WDR81: variants seen among roughly 807,000 people sequenced by gnomAD.
WDR81 encodes the protein WD repeat domain 81.
WDR81 carries 92 observed loss-of-function variants against 140.8 expected under a neutral mutation model. The ratio of observed to expected loss-of-function variants is 0.65; its 90% CI spans 0.55 to 0.78. The LOEUF (loss-of-function observed/expected upper bound fraction) is 0.78. Among genes scored for constraint, WDR81 ranks in the 30% least tolerant of loss-of-function variants. WDR81 has a pLI of 0.00. For missense variants in WDR81, 2,502 were observed against 2,636.4 expected (o/e 0.95, Z 1.12); for synonymous variants, 1,183 against 1,156.4 (o/e 1.02, Z -0.47).
rs754233386 is a variant in WDR81 at position 1,731,145 on chromosome 17, G to T, written c.4044G>T (p.Leu1348=). ...CGGGGCTGCTGGCCGCGGTGACGCTGACTCAGAAGATCATCGTGTACCTCT... is the reference window on the plus strand; with the variant it reads ...CGGGGCTGCTGGCCGCGGTGACGCTTACTCAGAAGATCATCGTGTACCTCT... ...KEAGLLAAVT[L]TQKIIVYLSD... Residue 1348 remains leucine, a synonymous_variant, in exon 4 of 10, where the codon CTG becomes CTT. Transcript: ENST00000409644. 1 of 1,613,390 alleles carries T rather than the reference G, an allele frequency of 6.2e-7. No homozygotes were observed. The highest frequency in any genetic ancestry group is 1.7e-5 in the Admixed American group (1 of 60,022).
intron 1 of WDR81, among the ~76,000 whole-genome samples, chr17:1,717,420 C>T (rs1055060827): frequency 6.6e-6 from 1 of 152,184 alleles, no homozygotes; most frequent in African/African-American, 2.4e-5. Context: ...CAAATAGGGG[C>T]TGAGGGTAAC....
Position 1,726,088 on chromosome 17 carries a change from C to T in WDR81, c.1129C>T (p.Pro377Ser). 4 of 1,547,830 alleles carry T rather than the reference C, an allele frequency of 2.6e-6. No homozygotes were observed. Among genetic ancestry groups the T allele is most frequent in the Non-Finnish European group, 2.6e-6 (3 of 1,145,166 alleles). The change falls in exon 1 of 10, where the codon CCC (proline) becomes TCC (serine). Residue 377 changes from proline to serine, a missense_variant. Pro to Ser is a moderately conservative substitution (Grantham distance 74, BLOSUM62 -1). This residue lies in a region of WDR81 where 547 missense variants were observed against 513.8 expected (regional missense o/e 1.06). Transcript: ENST00000409644. The part of the protein sequence containing the change: ...NRLAGRRQGD[P>S]NYHPVLPWVV... ...GTTGGCAGGTCGGCGGCAGGGGGAC[C>T]CCAACTACCACCCCGTGCTGCCCTG... is the stretch of plus-strand genomic sequence containing the variant.
chr17:1,735,804 G>A lies in WDR81; in HGVS notation c.5325+87G>A. 2 of 1,508,914 alleles carry A rather than the reference G, an allele frequency of 1.3e-6. No individual in the cohort carries two copies. The highest frequency in any genetic ancestry group is 2.3e-5 in the East Asian group (1 of 43,370). The allele number at this position is 1,508,914 out of a possible 1,614,324, so 93.5% of individuals were successfully genotyped here. A position where few individuals can be genotyped will look rare whatever the true frequency, so the allele number is the denominator to read the frequency against. On this transcript the variant is annotated intron_variant, in intron 8 of 9. Coordinates refer to ENST00000409644, the MANE Select transcript of WDR81 (RefSeq NM_001163809.2). The surrounding 1 kb of genome is among the most constrained non-coding windows in gnomAD (Gnocchi z 4.2). ...AGACTCCCCAAAAACAGAAAGCCAG[G>A]ATGTTGTTCTGGGGCCCTAGTTAGT... is the stretch of plus-strand genomic sequence containing the variant.
In WDR81 at chr17:1,727,944, G is replaced by A. The variant is rs981484743; in HGVS notation, c.2985G>A (p.Leu995=). 2 of 1,550,272 alleles carry A rather than the reference G, an allele frequency of 1.3e-6. No homozygotes were observed. The highest frequency in any genetic ancestry group is 2.7e-5 in the African/African-American group (2 of 73,064). The change falls in exon 1 of 10, where the codon CTG becomes CTA. Residue 995 remains leucine (L), a synonymous_variant. Transcript: ENST00000409644. ...TTGTGGCCCAGCTGATGGTGCGGCT[G>A]GGCCTGCAGGCATTTCTCACTCACC... ...DCFVAQLMVR[L]GLQAFLTHLL...
intron 1 of WDR81, chr17:1,716,817 C>T: frequency 1.5e-6 from 1 of 684,898 alleles, no homozygotes; most frequent in East Asian, 2.7e-5. Flanking sequence ...CAGGAGTGGG[C>T]AGAGCGTCAG....
Position 1,727,130 on chromosome 17 carries a change from G to A in WDR81, c.2171G>A (p.Gly724Asp). The A allele has an allele frequency of 6.5e-7, 1 of 1,547,174 alleles. No individual in the cohort carries two copies. The highest frequency in any genetic ancestry group is 8.7e-7 in the Non-Finnish European group (1 of 1,144,726). Residue 724 changes from glycine (G) to aspartate (D), a missense_variant, in exon 1 of 10, where the codon GGC (glycine) becomes GAC (aspartate). Gly to Asp is a moderately conservative substitution (Grantham distance 94). Coordinates refer to ENST00000409644, the MANE Select transcript of WDR81 (RefSeq NM_001163809.2). Reference protein sequence around the residue: ...GEEGRILLPEGFNPMQALEEL... With the variant: ...GEEGRILLPEDFNPMQALEEL... ...GAGGGGAGGATTCTTCTTCCCGAGG[G>A]CTTCAATCCCATGCAGGCCCTGGAG...
chr17:1,718,810 G>A (rs534266847), intron 1 of WDR81, among the ~76,000 whole-genome samples: 5 of 152,252 alleles, frequency 3.3e-5, no homozygotes, highest in South Asian at 2.1e-4. Flanking sequence ...TCCCACTCAC[G>A]GCCCTTGGGG....
Position 1,726,725 on chromosome 17 carries a change from C to A in WDR81, c.1766C>A (p.Pro589His). The A allele has an allele frequency of 1.3e-6, 2 of 1,548,438 alleles. No homozygotes were observed. The highest frequency in any genetic ancestry group is 1.7e-6 in the Non-Finnish European group (2 of 1,146,594). Reference sequence around the variant, plus strand: ...GTGCAGCTCTTCGATCAGCCACACCCCCAGCGCCTGGCTGGGGCTCCTGCC... The same window carrying A: ...GTGCAGCTCTTCGATCAGCCACACCACCAGCGCCTGGCTGGGGCTCCTGCC... ...GVVQLFDQPH[P>H]QRLAGAPALA... is the part of the protein sequence containing the mutation. The change falls in exon 1 of 10, where the codon CCC becomes CAC. Residue 589 changes from proline to histidine, a missense_variant. Coordinates refer to ENST00000409644, the MANE Select transcript of WDR81 (RefSeq NM_001163809.2).
chr17:1,730,757 C>A lies in WDR81; in HGVS notation c.3778C>A (p.Pro1260Thr). Reference protein sequence around the residue: ...LRLLTSCYVGPTRQQFTVSSG... With the variant: ...LRLLTSCYVGTTRQQFTVSSG... ...GGCTGCTGGCCCTTCCGTGGCAGGA[C>A]CCACTCGGCAGCAGTTCACAGTGAG... The change falls in exon 3 of 10, where the codon CCC (proline) becomes ACC (threonine). Residue 1260 changes from proline to threonine, a missense_variant and splice_region_variant. Transcript: ENST00000409644. The A allele has an allele frequency of 1.2e-6, 2 of 1,606,070 alleles. No individual in the cohort carries two copies. Among genetic ancestry groups the A allele is most frequent in the Non-Finnish European group, 8.5e-7 (1 of 1,176,056 alleles).
At chr17:1,734,283 G>T in intron 7 of WDR81, 67 bp downstream of exon 7, 1 of 1,456,064 alleles carries the variant, frequency 6.9e-7, no homozygotes, top group Non-Finnish European at 9.0e-7. Flanking sequence ...CCAGGAAGGG[G>T]GCCCGAGGGT....
chr17:1,721,405 A>G (rs1412968456), upstream of WDR81, among the ~76,000 whole-genome samples: 1 of 151,974 alleles, frequency 6.6e-6, no homozygotes, highest in Non-Finnish European at 1.5e-5. Flanking sequence ...TGTAGTCTCA[A>G]CTACTCGGGA....
chr17:1,737,804 C>A lies in WDR81; in HGVS notation c.*119C>A. 1 of 1,291,930 alleles carries A rather than the reference C, an allele frequency of 7.7e-7. No individual in the cohort carries two copies. The highest frequency in any genetic ancestry group is 1.0e-6 in the Non-Finnish European group (1 of 965,270). The allele number at this position is 1,291,930 out of a possible 1,614,324, so 80.0% of individuals were successfully genotyped here. A position where few individuals can be genotyped will look rare whatever the true frequency, so the allele number is the denominator to read the frequency against. On this transcript the variant is annotated 3_prime_UTR_variant, in exon 10 of 10. Coordinates refer to ENST00000409644, the MANE Select transcript of WDR81 (RefSeq NM_001163809.2). ...GGCCCTGGGTCCCACGCCCTGGGTG[C>A]CCACATGGCCTGCCAACTAGGGCCT...
upstream of WDR81, among the ~76,000 whole-genome samples, chr17:1,723,417 A>T (rs1248350861): frequency 2.0e-5 from 3 of 148,076 alleles, no homozygotes; most frequent in African/African-American, 7.4e-5. Flanking sequence ...TTATTTATTT[A>T]TTTTTATTTA....
Position 1,726,798 on chromosome 17 carries a change from C to G in WDR81, c.1839C>G (p.Ile613Met). 6.5e-7 allele frequency: 1 copy of G among 1,549,356 alleles called. No individual in the cohort carries two copies. Among genetic ancestry groups the G allele is most frequent in the Non-Finnish European group, 8.7e-7 (1 of 1,146,892 alleles). ...PLIPKLLVQT[I>M]QETTGREDFT... The stretch of plus-strand genomic sequence containing the variant: ...TCCCCAAGCTGTTGGTCCAGACCAT[C>G]CAGGAGACCACAGGCCGGGAGGACT... The change falls in exon 1 of 10, where the codon ATC becomes ATG. Residue 613 changes from isoleucine to methionine, a missense_variant. Coordinates refer to ENST00000409644, the MANE Select transcript of WDR81 (RefSeq NM_001163809.2).
chr17:1,723,449 T>TTA (rs1174811892), upstream of WDR81, among the ~76,000 whole-genome samples: 2 of 127,390 alleles, frequency 1.6e-5, no homozygotes, highest in African/African-American at 6.1e-5. Context: ...TTATTTTTAT[T>TTA]TATTTATTTT....
At position 1,737,750 on chromosome 17, in the gene WDR81, G is replaced by A. The variant is rs1905014968; in HGVS notation, c.*65G>A. 6.6e-7 allele frequency: 1 copy of A among 1,508,374 alleles called. No individual in the cohort carries two copies. Among genetic ancestry groups the A allele is most frequent in the Non-Finnish European group, 8.8e-7 (1 of 1,131,216 alleles). The allele number at this position is 1,508,374 out of a possible 1,614,324, so 93.4% of individuals were successfully genotyped here. On this transcript the variant is annotated 3_prime_UTR_variant, in exon 10 of 10. Transcript: ENST00000409644. The stretch of plus-strand genomic sequence containing the variant: ...CTGCGGGCGCGTGTCCACTCACCCT[G>A]TTCCCTGAGCAGCAGCTCCCTCCAG...
rs1567728455 is a variant in WDR81 at position 1,735,503 on chromosome 17, G to T, written c.5180-69G>T. 2.1e-6 allele frequency: 3 copies of T among 1,457,754 alleles called. No individual in the cohort carries two copies. The African/African-American group carries it at 4.3e-5, about 21-fold the overall frequency. The allele number at this position is 1,457,754 out of a possible 1,614,324, so 90.3% of individuals were successfully genotyped here. On this transcript the variant is annotated intron_variant, in intron 7 of 9. Coordinates refer to ENST00000409644, the MANE Select transcript of WDR81 (RefSeq NM_001163809.2). This position sits in a 1 kb window ranked among gnomAD's most constrained non-coding sequence, Gnocchi z 4.2. The stretch of plus-strand genomic sequence containing the variant: ...GAGGCAGGTGTGCGGTGAGTTGGGG[G>T]ATTAGAAGCTCCCAGGGCTCTTCCG...
rs28651284 is a variant in WDR81, at chr17:1,725,106, G to A, written c.147G>A (p.Pro49=). Residue 49 remains proline, a synonymous_variant, in exon 1 of 10, where the codon CCG becomes CCA. Transcript: ENST00000409644. ...ATCCCAGGCAGCTGGCTCCGGCCCC[G>A]GGGGGCACCCACGTGGTGGCCCTAG... is the stretch of plus-strand genomic sequence containing the variant. ...SIDPRQLAPA[P]GGTHVVALVP... 73 of 1,509,578 alleles carry A rather than the reference G, an allele frequency of 4.8e-5. No homozygotes were observed. The highest frequency in any genetic ancestry group is 5.8e-5 in the Non-Finnish European group (66 of 1,130,100). 93.5% of individuals were successfully genotyped at this position (1,509,578 alleles called of 1,614,324 possible). A position where few individuals can be genotyped will look rare whatever the true frequency, so the allele number is the denominator to read the frequency against.
chr17:1,724,762 C>G lies in WDR81; in HGVS notation c.-198C>G, dbSNP rs913961721. ...GCCCGGCAGCCTCTGCCCCGCCGCG[C>G]CCGGAGCGCAGGACCCGCGGAGGGG... On this transcript the variant is annotated 5_prime_UTR_variant, in exon 1 of 10. Coordinates refer to ENST00000409644, the MANE Select transcript of WDR81 (RefSeq NM_001163809.2). 1 of 1,143,544 alleles carries G rather than the reference C, an allele frequency of 8.7e-7. No individual in the cohort carries two copies. The highest frequency in any genetic ancestry group is 1.6e-5 in the African/African-American group (1 of 61,398). 70.8% of individuals were successfully genotyped at this position (1,143,544 alleles called of 1,614,324 possible).
Sources: allele counts gnomAD v4.1 joint callset (sites outside exome capture counted in the v4.1 genomes callset), GRCh38; gene constraint gnomAD v4.1.1; regional missense constraint gnomAD v4.1.1; non-coding constraint Gnocchi (gnomAD v3.1); transcripts MANE v1.5; gene names NCBI Gene and HGNC (gene_info 2026-07-23, HGNC 2026-07-21).